TLN2: variants seen among roughly 807,000 people sequenced by gnomAD.
The protein encoded by TLN2 is talin-2.
In TLN2, 118 loss-of-function variants were observed where a neutral mutation model predicts 294.7. The observed-to-expected ratio is 0.40, with a 90% CI of 0.34 to 0.47. The LOEUF (loss-of-function observed/expected upper bound fraction) is 0.47, where lower values mean the gene tolerates loss of function less well. Among genes scored for constraint, TLN2 ranks in the 20% least tolerant of loss-of-function variants. The pLI is 0.84. For synonymous variants in TLN2, 1,431 were observed against 1,304.5 expected (o/e 1.10, Z -2.09); for missense variants, 3,083 against 3,282.2 (o/e 0.94, Z 1.48).
intron 1 of TLN2, among the ~76,000 whole-genome samples, chr15:62,426,348 G>C: frequency 6.6e-6 from 1 of 152,216 alleles, no homozygotes; most frequent in South Asian, 2.1e-4. Context: ...GACACCTTGG[G>C]AGGCAGAGAG....
intron 3 of TLN2, among the ~76,000 whole-genome samples, chr15:62,644,033 T>C (rs934773992): frequency 1.3e-5 from 2 of 152,078 alleles, no homozygotes; most frequent in Non-Finnish European, 2.9e-5. Context: ...AAATCTGAGC[T>C]ACCGCCTGTT....
chr15:62,474,228 C>T (rs750552965), intron 1 of TLN2, among the ~76,000 whole-genome samples: 29 of 152,212 alleles, frequency 1.9e-4, no homozygotes, highest in Admixed American at 1.3e-4. Context: ...TCAGAGGGCT[C>T]ATGAATCCTT....
At chr15:62,602,900 A>AT (rs2047119087) in intron 2 of TLN2, among the ~76,000 whole-genome samples, 1 of 132,248 alleles carries the variant, frequency 7.6e-6, no homozygotes, top group African/African-American at 2.9e-5. Context: ...ATTTTTATTT[A>AT]TTTATTTTTT....
At chr15:62,656,125 T>A in intron 8 of TLN2, 39 bp downstream of exon 8, 1 of 1,604,256 alleles carries the variant, frequency 6.2e-7, no homozygotes, top group Non-Finnish European at 8.5e-7. Flanking sequence ...GTTGGTGAGA[T>A]TGCAGGAAGC....
intron 3 of TLN2, among the ~76,000 whole-genome samples, chr15:62,619,456 G>A (rs1466779056): frequency 1.3e-5 from 2 of 152,232 alleles, no homozygotes; most frequent in African/African-American, 4.8e-5. Context: ...GAGAATTCTT[G>A]TCATAAGAGT....
chr15:62,805,570 T>A (rs375695898), intron 50 of TLN2, 30 bp from the exon 51 acceptor site: 222 of 1,553,104 alleles, frequency 1.4e-4, no homozygotes, highest in Non-Finnish European at 1.8e-4. Context: ...CCTTTTTGAT[T>A]TTTTTAACCT....
At chr15:62,409,437 G>GC (rs1387140857) in intron 1 of TLN2, among the ~76,000 whole-genome samples, 2 of 152,082 alleles carry the variant, frequency 1.3e-5, no homozygotes, top group African/African-American at 4.8e-5. Flanking sequence ...TCTGGCTGTT[G>GC]CAGGGTCTCA....
intron 11 of TLN2, among the ~76,000 whole-genome samples, chr15:62,680,708 T>C (rs1252478275): frequency 6.6e-6 from 1 of 152,088 alleles, no homozygotes; most frequent in Non-Finnish European, 1.5e-5. Flanking sequence ...ACTTACTGTA[T>C]AGTTTTTTAT....
chr15:62,402,669 CA>C lies in TLN2; in HGVS notation c.-238+11986del, dbSNP rs1249540481. Among the ~76,000 whole-genome samples the C allele has an allele frequency of 2.6e-5, 4 of 152,334 alleles. No homozygotes were observed. In the East Asian group the frequency reaches 7.7e-4, roughly 29 times the overall value. On this transcript the variant is annotated intron_variant, in intron 1 of 58. Transcript: ENST00000636159. Reference sequence around the variant, plus strand: ...GCTTTTAATTTATGGCCACAAACCTCAAGGGGACTCTTGACACTTTCAGGTC... The same window carrying C: ...GCTTTTAATTTATGGCCACAAACCTCAGGGGACTCTTGACACTTTCAGGTC...
chr15:62,420,485 C>T (rs990536912), intron 1 of TLN2, among the ~76,000 whole-genome samples: 3 of 152,036 alleles, frequency 2.0e-5, no homozygotes, highest in Non-Finnish European at 4.4e-5. Context: ...CAAACTCTGC[C>T]TCCTGGGTTC....
intron 19 of TLN2, among the ~76,000 whole-genome samples, chr15:62,706,028 G>C (rs1434082091): frequency 2.0e-5 from 3 of 152,234 alleles, no homozygotes. Flanking sequence ...TATTTCCAAT[G>C]TATCTTCTCA....
chr15:62,812,604 G>A (rs2066778868), intron 52 of TLN2, among the ~76,000 whole-genome samples: 1 of 152,196 alleles, frequency 6.6e-6, no homozygotes, highest in South Asian at 2.1e-4. Flanking sequence ...TCTCTCAGGG[G>A]AAAGGAAAAT....
intron 19 of TLN2, 47 bp from the exon 20 acceptor site, chr15:62,707,039 G>T (rs753628341): frequency 6.4e-7 from 1 of 1,551,334 alleles, no homozygotes; most frequent in Non-Finnish European, 8.8e-7. Context: ...GCTGTGAAAG[G>T]TGATTAGAGA....
chr15:62,562,778 G>T (rs942427499), intron 1 of TLN2, among the ~76,000 whole-genome samples: 1 of 151,758 alleles, frequency 6.6e-6, no homozygotes, highest in Non-Finnish European at 1.5e-5. Context: ...TCCCACTTAC[G>T]AGTGAGAATA....
In TLN2 at chr15:62,694,401, T is replaced by G. The variant is rs775333087; in HGVS notation, c.1292+9T>G. 1.9e-6 allele frequency: 3 copies of G among 1,613,136 alleles called. No homozygotes were observed. In the South Asian group the frequency reaches 3.3e-5, roughly 18 times the overall value. On this transcript the variant is annotated intron_variant, in intron 14 of 58. Transcript: ENST00000636159. ...TCCGTTTCCCCAAAAAAGTAAGTATTATGAAGAGTACTAGAGGACCACCTT... is the reference window on the plus strand; with the variant it reads ...TCCGTTTCCCCAAAAAAGTAAGTATGATGAAGAGTACTAGAGGACCACCTT...
At position 62,474,094 on chromosome 15, in the gene TLN2, AAAAAC is replaced by A. The variant is rs1311253030; in HGVS notation, c.-238+83421_-238+83425del. On this transcript the variant is annotated intron_variant, in intron 1 of 58. Transcript: ENST00000636159. ...TGGGTAACGAGCGAAAGTCTGTACT[AAAAAC>A]AAAACAAAACAGAACAAACAAAGGA... Among the ~76,000 whole-genome samples the A allele has an allele frequency of 2.6e-5, 4 of 152,334 alleles. No individual in the cohort carries two copies. The South Asian group carries it at 8.3e-4, about 32-fold the overall frequency.
At chr15:62,772,194 C>A (rs75695978) in intron 42 of TLN2, among the ~76,000 whole-genome samples, 1 of 152,254 alleles carries the variant, frequency 6.6e-6, no homozygotes, top group African/African-American at 2.4e-5. Flanking sequence ...CGGCCTCGAG[C>A]AATCCTCCCC....
At chr15:62,727,309 G>A (rs943624528) in intron 28 of TLN2, 120 bp downstream of exon 28, 31 of 879,538 alleles carry the variant, frequency 3.5e-5, no homozygotes, top group African/African-American at 1.7e-4. Context: ...GCAGTTCACC[G>A]TATATTTTTC....
intron 1 of TLN2, among the ~76,000 whole-genome samples, chr15:62,403,006 G>A (rs1165217502): frequency 1.3e-5 from 2 of 152,166 alleles, no homozygotes; most frequent in Admixed American, 1.3e-4. Context: ...TTGGGAGGCT[G>A]AGGTGGGCGG....
Sources: gnomAD v4.1 joint callset for allele counts (sites outside exome capture counted in the v4.1 genomes callset) on GRCh38, gnomAD v4.1.1 for gene constraint, MANE v1.5 for transcripts, NCBI Gene and HGNC (gene_info 2026-07-23, HGNC 2026-07-21) for gene names.